Variants in IL15 observed in about 807,000 individuals in gnomAD.
IL15 encodes the protein interleukin-15.
In IL15, 11 loss-of-function variants were observed where a neutral mutation model predicts 19.6. The ratio of observed to expected loss-of-function variants is 0.56; its 90% CI spans 0.35 to 0.93. The LOEUF (loss-of-function observed/expected upper bound fraction) is 0.93. IL15 is among the 40% of genes least tolerant of loss of function. The probability of loss-of-function intolerance (pLI) is 0.01; values close to 1 mark genes in which losing one functional copy is unlikely to be tolerated. For synonymous variants in IL15, 58 were observed against 59.6 expected (o/e 0.97, Z 0.12); for missense variants, 197 against 186.5 (o/e 1.06, Z -0.33).
chr4:141,637,659 T>G (rs1726903660), intron 1 of IL15, among the ~76,000 whole-genome samples: 1 of 152,226 alleles, frequency 6.6e-6, no homozygotes, highest in South Asian at 2.1e-4. Context: ...CTTCAAAGTA[T>G]GTCTAAACCA....
intron 4 of IL15, chr4:141,721,006 T>C (rs1730055303): frequency 4.9e-6 from 3 of 611,588 alleles, no homozygotes; most frequent in Non-Finnish European, 8.5e-6. Flanking sequence ...GTTGTTTCCT[T>C]CTAATAAAAT....
chr4:141,688,489 G>T (rs1728781896), intron 2 of IL15, among the ~76,000 whole-genome samples: 1 of 152,180 alleles, frequency 6.6e-6, no homozygotes, highest in Admixed American at 6.5e-5. Context: ...ATACAAGAGT[G>T]CTATAATTGC....
chr4:141,657,800 C>G (rs184143616), intron 2 of IL15, among the ~76,000 whole-genome samples: 599 of 152,166 alleles, frequency 3.9e-3, no homozygotes, highest in Admixed American at 6.9e-3. Flanking sequence ...AAAGGTACTA[C>G]CTGAGGCTGT....
chr4:141,641,911 A>G (rs938452994), intron 1 of IL15, among the ~76,000 whole-genome samples: 2 of 151,854 alleles, frequency 1.3e-5, no homozygotes, highest in Non-Finnish European at 2.9e-5. Context: ...GTGCTAAGGA[A>G]ATTTCTTGCA....
At chr4:141,681,993 G>A (rs754996030) in intron 2 of IL15, among the ~76,000 whole-genome samples, 2 of 152,144 alleles carry the variant, frequency 1.3e-5, no homozygotes, top group Non-Finnish European at 2.9e-5. Context: ...AGTAATTTCT[G>A]CTGAGAAGTG....
intron 2 of IL15, among the ~76,000 whole-genome samples, chr4:141,675,931 A>T (rs1369057865): frequency 6.6e-6 from 1 of 152,176 alleles, no homozygotes; most frequent in East Asian, 1.9e-4. Context: ...AGTTTCCTAG[A>T]CACCATTAAA....
At chr4:141,704,339 T>C (rs1277446680) in intron 2 of IL15, among the ~76,000 whole-genome samples, 2 of 152,176 alleles carry the variant, frequency 1.3e-5, no homozygotes, top group Non-Finnish European at 2.9e-5. Context: ...TTGTACCATA[T>C]TTATTGATTA....
chr4:141,727,582 G>A (rs962194661), intron 5 of IL15, among the ~76,000 whole-genome samples: 2 of 152,114 alleles, frequency 1.3e-5, no homozygotes, highest in African/African-American at 2.4e-5. Flanking sequence ...CTTAACTGTG[G>A]TGGTGGTGAT....
chr4:141,693,016 C>CAAAAAAAAAAAAAAAAAAAAAAAAAAAAA lies in IL15; in HGVS notation c.-99-26324_-99-26323insAAAAAAAAAAAAAAAAAAAAAAAAAAAAA, dbSNP rs70949131. On this transcript the variant is annotated intron_variant, in intron 2 of 7. Transcript: ENST00000320650. The stretch of plus-strand genomic sequence containing the variant: ...AGGGGAACAGAGCAAGACTCCGTCT[C>CAAAAAAAAAAAAAAAAAAAAAAAAAAAAA]AAAAAAAAAAAAAAAAAAAAAAAAA... Among the ~76,000 whole-genome samples the CAAAAAAAAAAAAAAAAAAAAAAAAAAAAA allele has an allele frequency of 9.0e-4, 21 of 23,242 alleles. 7 individuals are homozygous for CAAAAAAAAAAAAAAAAAAAAAAAAAAAAA. The highest frequency in any genetic ancestry group is 2.9e-3 in the East Asian group (2 of 688). 15.2% of individuals were successfully genotyped at this position (23,242 alleles called of 152,430 possible). A position where few individuals can be genotyped will look rare whatever the true frequency, so the allele number is the denominator to read the frequency against.
chr4:141,721,706 C>G (rs1377527001), intron 4 of IL15: 1 of 560,794 alleles, frequency 1.8e-6, no homozygotes, highest in East Asian at 3.1e-5. Context: ...TTTCTCTAAT[C>G]CGGGTTGGTG....
chr4:141,678,918 A>T (rs1359457521), intron 2 of IL15, among the ~76,000 whole-genome samples: 1 of 152,204 alleles, frequency 6.6e-6, no homozygotes, highest in Non-Finnish European at 1.5e-5. Context: ...TTTAAATAAC[A>T]TAAACAAATA....
At chr4:141,651,801 A>C (rs1026621114) in intron 1 of IL15, among the ~76,000 whole-genome samples, 1 of 152,122 alleles carries the variant, frequency 6.6e-6, no homozygotes, top group Non-Finnish European at 1.5e-5. Flanking sequence ...TTAATAATGC[A>C]GGCTTAGTTA....
At chr4:141,670,268 T>C (rs1365255974) in intron 2 of IL15, among the ~76,000 whole-genome samples, 1 of 152,108 alleles carries the variant, frequency 6.6e-6, no homozygotes, top group Non-Finnish European at 1.5e-5. Flanking sequence ...AGTATCATGA[T>C]ACATGATAGA....
At chr4:141,675,082 C>T (rs1467662713) in intron 2 of IL15, among the ~76,000 whole-genome samples, 1 of 151,728 alleles carries the variant, frequency 6.6e-6, no homozygotes, top group Non-Finnish European at 1.5e-5. Context: ...GTTTCAGCTG[C>T]AGGTCCACTT....
chr4:141,693,371 A>G (rs1296302432), intron 2 of IL15, among the ~76,000 whole-genome samples: 4 of 152,242 alleles, frequency 2.6e-5, no homozygotes, highest in African/African-American at 9.6e-5. Flanking sequence ...GCCAAATCAT[A>G]TCAAATACTA....
At chr4:141,728,036 A>T (rs573821296) in intron 6 of IL15, 52 bp downstream of exon 6, 488 of 869,872 alleles carry the variant, frequency 5.6e-4, no homozygotes, top group Non-Finnish European at 4.4e-4. Context: ...TAAAGTTTTT[A>T]AAAGTATATT....
At chr4:141,716,980 A>G (rs922411251) in intron 2 of IL15, 4 of 152,162 alleles carry the variant, frequency 2.6e-5, no homozygotes, top group East Asian at 1.9e-4. Flanking sequence ...ACCTTCGCAC[A>G]TTGTATTTTG....
chr4:141,663,439 T>C (rs185917124), intron 2 of IL15, among the ~76,000 whole-genome samples: 46 of 152,320 alleles, frequency 3.0e-4, no homozygotes, highest in Admixed American at 6.5e-4. Context: ...AAATGAAGAC[T>C]CAAAGACTCA....
At chr4:141,725,831 A>C (rs967446753) in intron 5 of IL15, among the ~76,000 whole-genome samples, 7 of 152,178 alleles carry the variant, frequency 4.6e-5, no homozygotes, top group Admixed American at 2.6e-4. Flanking sequence ...CTTGAAATGC[A>C]TAATTTATAA....
Sources: allele counts gnomAD v4.1 joint callset (sites outside exome capture counted in the v4.1 genomes callset), GRCh38; gene constraint gnomAD v4.1.1; transcripts MANE v1.5; gene names NCBI Gene and HGNC (gene_info 2026-07-23, HGNC 2026-07-21).